Variants in FMN1 observed in about 807,000 individuals in gnomAD.
FMN1 encodes formin 1.
FMN1 carries 110 observed loss-of-function variants against 132.4 expected under a neutral mutation model. The ratio of observed to expected loss-of-function variants is 0.83; its 90% confidence interval spans 0.71 to 0.97. The LOEUF is 0.97. Among genes scored for constraint, FMN1 ranks in the 50% least tolerant of loss-of-function variants. FMN1 has a pLI of 0.00. For synonymous variants in FMN1, 722 were observed against 651.7 expected, an observed-to-expected ratio of 1.11 and a Z score of -1.64; for missense variants, 1,792 against 1,705.3, an observed-to-expected ratio of 1.05 and a Z score of -0.90.
At chr15:33,152,899 C>T (rs116873922) in intron 4 of FMN1, 149 bp downstream of exon 4, 2 of 750,362 alleles carry the variant, frequency 2.7e-6, no homozygotes, top group East Asian at 2.7e-5. Context: ...CCCCGCTGTT[C>T]CACTCCCCGT....
intron 7 of FMN1, among the ~76,000 whole-genome samples, chr15:33,003,253 T>C (rs556481206): frequency 1.9e-4 from 29 of 152,276 alleles, no homozygotes; most frequent in African/African-American, 6.7e-4. Context: ...AAAGAGAAAG[T>C]CAAATTGTCC....
intron 17 of FMN1, among the ~76,000 whole-genome samples, chr15:32,853,647 C>A (rs2059059731): frequency 6.6e-6 from 1 of 152,188 alleles, no homozygotes; most frequent in Non-Finnish European, 1.5e-5. Flanking sequence ...GTATATACTG[C>A]AATTTGGCAA....
chr15:33,012,231 G>A (rs899881270), intron 6 of FMN1: 1 of 677,812 alleles, frequency 1.5e-6, no homozygotes, highest in Non-Finnish European at 2.7e-6. Flanking sequence ...TTGAGCAATG[G>A]GGAACGCTCA....
chr15:32,840,286 CT>C (rs922391703), intron 17 of FMN1, among the ~76,000 whole-genome samples: 2 of 152,118 alleles, frequency 1.3e-5, no homozygotes, highest in East Asian at 1.9e-4. Flanking sequence ...GAAGAAATGG[CT>C]TTTTTTCTGG....
At chr15:33,120,483 T>C (rs1185303668) in intron 4 of FMN1, among the ~76,000 whole-genome samples, 2 of 152,192 alleles carry the variant, frequency 1.3e-5, no homozygotes, top group African/African-American at 4.8e-5. Flanking sequence ...GCATGTTTAT[T>C]GGTGGACATT....
chr15:32,949,966 C>CACATATATATATATACACAT, intron 9 of FMN1, among the ~76,000 whole-genome samples: 1 of 7,404 alleles, frequency 1.4e-4, no homozygotes, highest in East Asian at 3.8e-3. Flanking sequence ...TATATATATA[C>CACATATATATATATACACAT]ACACATATAT....
intron 10 of FMN1, among the ~76,000 whole-genome samples, chr15:32,916,254 G>C (rs942484504): frequency 2.0e-5 from 3 of 152,148 alleles, no homozygotes; most frequent in Non-Finnish European, 2.9e-5. Context: ...ACAAGACCAG[G>C]GTTAAGTAGA....
chr15:32,887,720 CAGACTTGATT>C (rs1419540824), intron 16 of FMN1, among the ~76,000 whole-genome samples: 9 of 152,148 alleles, frequency 5.9e-5, no homozygotes, highest in Non-Finnish European at 8.8e-5. Context: ...TCTAATTAGA[CAGACTTGATT>C]AGACTTGATT....
intron 16 of FMN1, among the ~76,000 whole-genome samples, chr15:32,883,610 A>G (rs12899698): frequency 6.9e-6 from 1 of 145,352 alleles, no homozygotes; most frequent in African/African-American, 2.5e-5. Flanking sequence ...GCCCTCCCCT[A>G]CGTTACTAGA....
At chr15:33,141,382 T>G (rs1964003917) in intron 4 of FMN1, among the ~76,000 whole-genome samples, 1 of 152,174 alleles carries the variant, frequency 6.6e-6, no homozygotes, top group Non-Finnish European at 1.5e-5. Context: ...TGTCCTAGCA[T>G]CATTCATCAA....
At chr15:32,940,550 G>A (rs775723880) in intron 9 of FMN1, among the ~76,000 whole-genome samples, 1 of 151,980 alleles carries the variant, frequency 6.6e-6, no homozygotes, top group African/African-American at 2.4e-5. Flanking sequence ...TCAGGTATAC[G>A]ATCCTTGAAA....
chr15:33,046,581 T>C (rs2036694540), intron 6 of FMN1, among the ~76,000 whole-genome samples: 1 of 152,156 alleles, frequency 6.6e-6, no homozygotes, highest in Non-Finnish European at 1.5e-5. Flanking sequence ...CTTGCAAAAT[T>C]GAGGATGTTG....
intron 17 of FMN1, among the ~76,000 whole-genome samples, chr15:32,854,017 T>C (rs918100707): frequency 4.6e-5 from 7 of 152,364 alleles, no homozygotes; most frequent in Admixed American, 4.6e-4. Flanking sequence ...GATTTTCTAG[T>C]AGCCACACTC....
intron 7 of FMN1, among the ~76,000 whole-genome samples, chr15:32,994,955 A>C (rs1017812839): frequency 1.3e-5 from 2 of 152,186 alleles, no homozygotes; most frequent in Admixed American, 6.5e-5. Context: ...AAAAACTCTT[A>C]GTATAAAACT....
At chr15:33,082,617 G>GTT (rs1184019335) in intron 5 of FMN1, among the ~76,000 whole-genome samples, 2 of 152,122 alleles carry the variant, frequency 1.3e-5, no homozygotes, top group African/African-American at 2.4e-5. Context: ...ACTATATTCA[G>GTT]TTGCCTTTGA....
At chr15:32,822,074 A>G (rs755840538) in intron 17 of FMN1, among the ~76,000 whole-genome samples, 15 of 152,186 alleles carry the variant, frequency 9.9e-5, no homozygotes, top group Non-Finnish European at 2.2e-4. Context: ...CTTCAAGAGA[A>G]GATCTGTGAG....
At position 33,154,456 on chromosome 15, in the gene FMN1, G is replaced by A. The variant is rs1408596815; in HGVS notation, c.459C>T (p.Thr153=). 2.0e-5 allele frequency: 31 copies of A among 1,535,820 alleles called. No homozygotes were observed. The Middle Eastern group carries it at 1.0e-3, about 49-fold the overall frequency. ...ACCTCCGAGGCTTTTTGTTCCCGTG[G>A]GTGCTCCTCTTATTGAGAGGGCCCA... is the stretch of plus-strand genomic sequence containing the variant. ...LPVGPLNKRS[T]HGNKKPRRSS... Residue 153 remains threonine, a synonymous_variant, in exon 4 of 21, where the codon ACC becomes ACT. Transcript: ENST00000616417.
chr15:33,127,780 A>G (rs979142609), intron 4 of FMN1, among the ~76,000 whole-genome samples: 3 of 152,234 alleles, frequency 2.0e-5, no homozygotes, highest in East Asian at 3.9e-4. Flanking sequence ...CAGTGTCTGT[A>G]GAGAACTACA....
rs117752649 is a variant in FMN1, at chr15:33,133,227, C to G, written c.1867+19821G>C. On this transcript the variant is annotated intron_variant, in intron 4 of 20. Transcript: ENST00000616417. ...TAGAACCCTCCCAAGGCACAGCCAT[C>G]AACAAAGAAGGAGAGTGTGTGGTTG... is the stretch of plus-strand genomic sequence containing the variant. Among the ~76,000 whole-genome samples the G allele has an allele frequency of 9.6e-3, 1,456 of 152,270 alleles. 8 individuals are homozygous for G. Among genetic ancestry groups the G allele is most frequent in the Non-Finnish European group, 0.012 (848 of 68,014 alleles).
Sources: allele counts gnomAD v4.1 joint callset (sites outside exome capture counted in the v4.1 genomes callset), GRCh38; gene constraint gnomAD v4.1.1; transcripts MANE v1.5; gene names NCBI Gene and HGNC (gene_info 2026-07-23, HGNC 2026-07-21).